Variants in LARS2 observed in about 807,000 individuals in gnomAD.
LARS2 encodes the protein leucine--tRNA ligase, mitochondrial.
LARS2 carries 81 observed loss-of-function variants against 116.6 expected under a neutral mutation model. That is an observed-to-expected ratio of 0.69 (90% confidence interval 0.58 to 0.84). The LOEUF is 0.84. Among genes scored for constraint, LARS2 ranks in the 40% least tolerant of loss-of-function variants. The pLI, the probability that LARS2 is intolerant of heterozygous loss-of-function variation, is 0.00. For missense variants in LARS2, 968 were observed against 1,114.5 expected (o/e 0.87, Z 1.87); for synonymous variants, 396 against 407.2 (o/e 0.97, Z 0.33).
chr3:45,517,680 G>C (rs1265404017), intron 17 of LARS2, among the ~76,000 whole-genome samples: 1 of 152,218 alleles, frequency 6.6e-6, no homozygotes, highest in Non-Finnish European at 1.5e-5. Context: ...CTGCCATCCA[G>C]TGCTCTGAAT....
intron 15 of LARS2, among the ~76,000 whole-genome samples, chr3:45,512,882 T>G (rs1700310021): frequency 6.6e-6 from 1 of 152,186 alleles, no homozygotes; most frequent in African/African-American, 2.4e-5. Flanking sequence ...CCAGGTGGGG[T>G]GGCTCACACC....
At chr3:45,432,906 T>C (rs1419300136) in intron 6 of LARS2, among the ~76,000 whole-genome samples, 1 of 152,104 alleles carries the variant, frequency 6.6e-6, no homozygotes, top group Non-Finnish European at 1.5e-5. Flanking sequence ...TACCCTTATA[T>C]AATTGTGTAA....
At chr3:45,428,084 T>G (rs989836815) in intron 6 of LARS2, among the ~76,000 whole-genome samples, 2 of 150,250 alleles carry the variant, frequency 1.3e-5, no homozygotes, top group Non-Finnish European at 3.0e-5. Context: ...GCCTCCCAAA[T>G]TGCTGGGATT....
chr3:45,395,813 A>G (rs954585117), intron 3 of LARS2, among the ~76,000 whole-genome samples: 1 of 152,360 alleles, frequency 6.6e-6, no homozygotes, highest in Middle Eastern at 3.4e-3. Context: ...TTAGAAAGAA[A>G]AATTGCTATT....
chr3:45,394,605 A>G lies in LARS2; in HGVS notation c.152A>G (p.Tyr51Cys), dbSNP rs1311173475. The G allele has an allele frequency of 9.3e-6, 15 of 1,614,104 alleles. No individual in the cohort carries two copies. Among genetic ancestry groups the G allele is most frequent in the African/African-American group, 1.3e-5 (1 of 74,940 alleles). The change falls in exon 3 of 22, where the codon TAT (tyrosine) becomes TGT (cysteine). Residue 51 changes from tyrosine (Y) to cysteine (C), a missense_variant. By Grantham distance (194) the Tyr-to-Cys change is radical. Transcript: ENST00000645846. ...GCCACGGGAAAGTGGACAAAAGAGT[A>G]TACATTGCAGACAAGAAAGGATGTT... ...YSATGKWTKE[Y>C]TLQTRKDVEK... is the part of the protein sequence containing the mutation.
At chr3:45,442,589 C>T (rs1313355448) in intron 6 of LARS2, among the ~76,000 whole-genome samples, 2 of 152,138 alleles carry the variant, frequency 1.3e-5, no homozygotes, top group Non-Finnish European at 2.9e-5. Flanking sequence ...AATAGAGTTT[C>T]AGAATTTTAT....
Position 45,403,504 on chromosome 3 carries a change from C to T in LARS2, c.363+3131C>T, listed in dbSNP as rs1007296332. 7.2e-5 allele frequency among the ~76,000 whole-genome samples: 11 copies of T among 152,060 alleles called. No homozygotes were observed. In the East Asian group the frequency reaches 9.7e-4, roughly 13 times the overall value. The stretch of plus-strand genomic sequence containing the variant: ...GCTAATTTTTGTATTTAATTAGAGA[C>T]GGGGTTTCACCATGTTGGTCAGGCT... On this transcript the variant is annotated intron_variant, in intron 4 of 21. Transcript: ENST00000645846.
At chr3:45,412,403 G>A (rs1698345766) in intron 4 of LARS2, among the ~76,000 whole-genome samples, 1 of 152,168 alleles carries the variant, frequency 6.6e-6, no homozygotes, top group South Asian at 2.1e-4. Flanking sequence ...TTGTATGTAT[G>A]TATTTGAGTG....
At chr3:45,407,123 A>G (rs1205699845) in intron 4 of LARS2, among the ~76,000 whole-genome samples, 3 of 152,158 alleles carry the variant, frequency 2.0e-5, no homozygotes, top group African/African-American at 7.2e-5. Context: ...CCTTTTTGCT[A>G]TTCACTGCGG....
At chr3:45,432,102 A>C in intron 6 of LARS2, among the ~76,000 whole-genome samples, 1 of 152,330 alleles carries the variant, frequency 6.6e-6, no homozygotes, top group Non-Finnish European at 1.5e-5. Flanking sequence ...TTAATACAAT[A>C]AGGTATAACT....
At chr3:45,526,318 G>A (rs184406018) in intron 20 of LARS2, among the ~76,000 whole-genome samples, 1 of 152,290 alleles carries the variant, frequency 6.6e-6, no homozygotes, top group East Asian at 1.9e-4. Context: ...AGGGATCACT[G>A]TCATTCCAAA....
chr3:45,516,318 T>C (rs1376676048), intron 17 of LARS2, 42 bp downstream of exon 17: 1 of 1,564,876 alleles, frequency 6.4e-7, no homozygotes, highest in Non-Finnish European at 8.7e-7. Context: ...CTTTGTGATC[T>C]GCCCTGGACT....
chr3:45,481,802 A>C (rs1699707871), intron 10 of LARS2, among the ~76,000 whole-genome samples: 1 of 152,102 alleles, frequency 6.6e-6, no homozygotes. Flanking sequence ...AACTTCTGAG[A>C]GTTTGTCTTC....
chr3:45,396,740 A>T, intron 3 of LARS2, among the ~76,000 whole-genome samples: 1 of 152,250 alleles, frequency 6.6e-6, no homozygotes, highest in Non-Finnish European at 1.5e-5. Context: ...AGGTATTATT[A>T]TCCTCATTTT....
In LARS2 at chr3:45,530,939, G is replaced by T. The variant is rs534217333; in HGVS notation, c.2404+6831G>T. On this transcript the variant is annotated intron_variant, in intron 20 of 21. Transcript: ENST00000645846. ...ACCATGACATTTCAATTGAAATGTG[G>T]TTAAACTTAGAATTAATTCAGGAAG... Among the ~76,000 whole-genome samples, 7 of 152,208 alleles carry T rather than the reference G, an allele frequency of 4.6e-5. No homozygotes were observed. The East Asian group carries it at 1.2e-3, about 25-fold the overall frequency.
chr3:45,474,031 C>G (rs574169141), intron 8 of LARS2, among the ~76,000 whole-genome samples: 1 of 152,280 alleles, frequency 6.6e-6, no homozygotes, highest in Non-Finnish European at 1.5e-5. Flanking sequence ...ACAGCGAAAT[C>G]GGTCAAACCC....
chr3:45,484,630 A>AAAAATATATATATATATATATAT (rs1553634443), intron 10 of LARS2, among the ~76,000 whole-genome samples: 3 of 9,740 alleles, frequency 3.1e-4, no homozygotes, highest in African/African-American at 3.6e-4. Context: ...AAAAAAAAAA[A>AAAAATATATATATATATATATAT]ATATATATAT....
At position 45,547,507 on chromosome 3, in the gene LARS2, A is replaced by G. The variant is rs1259023429; in HGVS notation, c.2689A>G (p.Ile897Val). 6.2e-7 allele frequency: 1 copy of G among 1,606,626 alleles called. No individual in the cohort carries two copies. The highest frequency in any genetic ancestry group is 1.7e-5 in the Admixed American group (1 of 57,994). The change falls in exon 22 of 22, where the codon ATC becomes GTC. Residue 897 changes from isoleucine (I) to valine (V), a missense_variant. Transcript: ENST00000645846. ...KSFLSPRTAL[I>V]NFLVQD ...CTTCCTTTCCCCGAGAACTGCCCTC[A>G]TCAACTTCCTGGTGCAAGATTGACA...
intron 11 of LARS2, among the ~76,000 whole-genome samples, chr3:45,488,437 C>T (rs540403998): frequency 3.3e-4 from 50 of 152,128 alleles, no homozygotes; most frequent in African/African-American, 1.2e-3. Context: ...TGTCTCAAAA[C>T]AAAAACAAAA....
Sources: allele counts gnomAD v4.1 joint callset (sites outside exome capture counted in the v4.1 genomes callset), GRCh38; gene constraint gnomAD v4.1.1; transcripts MANE v1.5; gene names NCBI Gene and HGNC (gene_info 2026-07-23, HGNC 2026-07-21).